CSMD1: variants seen among roughly 807,000 people sequenced by gnomAD.
CSMD1 encodes CUB and sushi domain-containing protein 1.
CSMD1 carries 213 observed loss-of-function variants against 417.5 expected under a neutral mutation model. The ratio of observed to expected loss-of-function variants is 0.51; its 90% CI spans 0.46 to 0.57. The LOEUF (loss-of-function observed/expected upper bound fraction) is 0.57. Among genes scored for constraint, CSMD1 ranks in the 20% least tolerant of loss-of-function variants. CSMD1 has a pLI of 0.00. For missense variants in CSMD1, 6,923 were observed against 4,529.7 expected, an observed-to-expected ratio of 1.53 and a Z score of -15.17; for synonymous variants, 2,862 against 1,736.8, an observed-to-expected ratio of 1.65 and a Z score of -16.11.
intron 5 of CSMD1, among the ~76,000 whole-genome samples, chr8:3,957,471 A>C (rs1352125570): frequency 6.6e-6 from 1 of 152,132 alleles, no homozygotes; most frequent in Non-Finnish European, 1.5e-5. Flanking sequence ...TGAGCCTAGG[A>C]GTATTGGACC....
chr8:4,408,628 C>G (rs1443450692), intron 3 of CSMD1, among the ~76,000 whole-genome samples: 1 of 152,152 alleles, frequency 6.6e-6, no homozygotes, highest in Non-Finnish European at 1.5e-5. Flanking sequence ...AAAATGTACT[C>G]TATATGACAC....
chr8:3,762,730 G>C (rs990693102), intron 5 of CSMD1, among the ~76,000 whole-genome samples: 1 of 152,218 alleles, frequency 6.6e-6, no homozygotes, highest in African/African-American at 2.4e-5. Context: ...GTCGGGGGGA[G>C]CCAGGCCACA....
chr8:3,587,774 G>A (rs1257952247), intron 8 of CSMD1, among the ~76,000 whole-genome samples: 1 of 152,048 alleles, frequency 6.6e-6, no homozygotes, highest in Non-Finnish European at 1.5e-5. Context: ...GCTTATTTTA[G>A]AAAATAATGA....
At chr8:4,736,805 T>C (rs530768309) in intron 1 of CSMD1, among the ~76,000 whole-genome samples, 74 of 152,296 alleles carry the variant, frequency 4.9e-4, no homozygotes, top group African/African-American at 1.8e-3. Flanking sequence ...ACAAGTGCCT[T>C]CACTTCCCCA....
chr8:3,506,675 T>C (rs1019927705), intron 10 of CSMD1, among the ~76,000 whole-genome samples: 1 of 152,310 alleles, frequency 6.6e-6, no homozygotes, highest in Admixed American at 6.5e-5. Flanking sequence ...CTGGAATAAA[T>C]AAACTCCGAA....
chr8:4,307,628 C>T (rs1333162376), intron 3 of CSMD1, among the ~76,000 whole-genome samples: 1 of 152,118 alleles, frequency 6.6e-6, no homozygotes, highest in African/African-American at 2.4e-5. Context: ...GCAAGCTTAT[C>T]GAATTTTGCA....
intron 3 of CSMD1, among the ~76,000 whole-genome samples, chr8:4,168,964 T>C (rs996181524): frequency 6.6e-6 from 1 of 152,134 alleles, no homozygotes; most frequent in Non-Finnish European, 1.5e-5. Flanking sequence ...ATCTCTGCTA[T>C]CCTCAGGCCG....
chr8:4,456,786 G>A (rs79966745), intron 2 of CSMD1, among the ~76,000 whole-genome samples: 20,552 of 151,916 alleles, frequency 0.14, 1,719 homozygotes, highest in South Asian at 0.25. Context: ...CAACCTACGA[G>A]GTAAGCTGAA....
At chr8:4,278,776 T>C (rs1796624579) in intron 3 of CSMD1, among the ~76,000 whole-genome samples, 1 of 152,184 alleles carries the variant, frequency 6.6e-6, no homozygotes, top group South Asian at 2.1e-4. Context: ...GAGCCAAGTG[T>C]GATTATGTGG....
At position 3,266,376 on chromosome 8, in the gene CSMD1, C is replaced by T. The variant is rs572730928; in HGVS notation, c.4153+17768G>A. 4.0e-5 allele frequency among the ~76,000 whole-genome samples: 6 copies of T among 151,740 alleles called. No homozygotes were observed. The East Asian group carries it at 5.9e-4, about 15-fold the overall frequency. ...ATCCCAGCACTGTGGGAGGCTGAGG[C>T]GGGTGGATCACCTGAGACTAGGAGA... On this transcript the variant is annotated intron_variant, in intron 26 of 69. Coordinates refer to ENST00000635120, the MANE Select transcript of CSMD1 (RefSeq NM_033225.6).
Position 3,096,829 on chromosome 8 carries a change from CAA to C in CSMD1, c.7138+18_7138+19del. ...CAATGATGCCGAGGTCACTGCTCTACAAAGATTAAAGAAACTTACCATCAAAC... is the reference window on the plus strand; with the variant it reads ...CAATGATGCCGAGGTCACTGCTCTACAGATTAAAGAAACTTACCATCAAAC... On this transcript the variant is annotated intron_variant, in intron 47 of 69. Transcript: ENST00000635120. 6.0e-6 allele frequency: 9 copies of C among 1,510,286 alleles called. No homozygotes were observed. The highest frequency in any genetic ancestry group is 8.1e-6 in the Non-Finnish European group (9 of 1,116,574). 93.6% of individuals were successfully genotyped at this position (1,510,286 alleles called of 1,614,324 possible).
At position 3,419,301 on chromosome 8, in the gene CSMD1, A is replaced by C. The variant is rs944005503; in HGVS notation, c.1562-9696T>G. On this transcript the variant is annotated intron_variant, in intron 12 of 69. Coordinates refer to ENST00000635120, the MANE Select transcript of CSMD1 (RefSeq NM_033225.6). ...ATTCTTGAGTTCAGGTTCACTGTAA[A>C]CTTCAAAAATAAAACTAACTCCACT... Among the ~76,000 whole-genome samples the C allele has an allele frequency of 5.9e-5, 9 of 152,222 alleles. No individual in the cohort carries two copies. The South Asian group carries it at 1.9e-3, about 32-fold the overall frequency.
intron 1 of CSMD1, among the ~76,000 whole-genome samples, chr8:4,893,877 G>GA (rs946463109): frequency 6.6e-5 from 10 of 152,114 alleles, no homozygotes; most frequent in Admixed American, 4.6e-4. Flanking sequence ...CCCAAAAACA[G>GA]AAAAAAATCT....
At chr8:3,428,692 C>A (rs1470815349) in intron 12 of CSMD1, among the ~76,000 whole-genome samples, 1 of 152,120 alleles carries the variant, frequency 6.6e-6, no homozygotes, top group African/African-American at 2.4e-5. Context: ...ATCCAGTCAT[C>A]CTACTAGTGG....
chr8:3,839,460 T>A (rs1313019001), intron 5 of CSMD1, among the ~76,000 whole-genome samples: 11 of 124,538 alleles, frequency 8.8e-5, no homozygotes, highest in Admixed American at 3.0e-4. Flanking sequence ...ATATAATATA[T>A]TATATATTAT....
intron 3 of CSMD1, among the ~76,000 whole-genome samples, chr8:4,363,211 C>A (rs760513185): frequency 4.6e-5 from 7 of 152,138 alleles, no homozygotes; most frequent in Non-Finnish European, 7.3e-5. Context: ...TTTGGTGGAT[C>A]TTCCATGATG....
chr8:3,210,585 A>T (rs923292572), intron 30 of CSMD1, among the ~76,000 whole-genome samples: 2 of 148,504 alleles, frequency 1.3e-5, no homozygotes, highest in Non-Finnish European at 3.0e-5. Context: ...TATGTGTATA[A>T]ATTAATATAT....
At chr8:3,105,372 A>T (rs773747289) in intron 46 of CSMD1, among the ~76,000 whole-genome samples, 6 of 152,234 alleles carry the variant, frequency 3.9e-5, no homozygotes, top group Non-Finnish European at 5.9e-5. Flanking sequence ...AAAGCACTAC[A>T]TCTGCACTTC....
At chr8:3,699,998 C>G (rs886753387) in intron 7 of CSMD1, among the ~76,000 whole-genome samples, 9 of 151,874 alleles carry the variant, frequency 5.9e-5, no homozygotes, top group African/African-American at 2.2e-4. Context: ...ACCTGAGCAT[C>G]TGTTGTGTTC....
Sources: allele counts gnomAD v4.1 joint callset (sites outside exome capture counted in the v4.1 genomes callset), GRCh38; gene constraint gnomAD v4.1.1; transcripts MANE v1.5; gene names NCBI Gene and HGNC (gene_info 2026-07-23, HGNC 2026-07-21).